The following CTXND2 variants were observed in gnomAD, a reference collection of about 807,000 sequenced individuals.
CTXND2 encodes the protein cortexin domain containing 2.
intron 1 of CTXND2, among the ~76,000 whole-genome samples, chr1:150,903,134 A>G (rs1377424311): frequency 3.3e-5 from 5 of 152,140 alleles, no homozygotes; most frequent in Non-Finnish European, 7.3e-5. Flanking sequence ...GTCTCCTTTT[A>G]ATAACCTGAT....
chr1:150,903,521 C>T (rs931587037), intron 1 of CTXND2, among the ~76,000 whole-genome samples: 5 of 152,152 alleles, frequency 3.3e-5, no homozygotes, highest in Middle Eastern at 3.4e-3. Context: ...CCCTTCTGGC[C>T]AGACATGGTG....
intron 1 of CTXND2, among the ~76,000 whole-genome samples, chr1:150,911,499 G>A (rs938306169): frequency 6.6e-6 from 1 of 150,672 alleles, no homozygotes; most frequent in Non-Finnish European, 1.5e-5. Flanking sequence ...GCAATGACTC[G>A]GTCTCGGCTT....
At chr1:150,895,909 AAT>A (rs1220993668) in intron 1 of CTXND2, among the ~76,000 whole-genome samples, 1 of 152,144 alleles carries the variant, frequency 6.6e-6, no homozygotes, top group East Asian at 1.9e-4. Flanking sequence ...TGGTGGTGGC[AAT>A]GTCTAATGCC....
intron 1 of CTXND2, among the ~76,000 whole-genome samples, chr1:150,889,870 A>T (rs1175496549): frequency 6.6e-6 from 1 of 152,114 alleles, no homozygotes; most frequent in Non-Finnish European, 1.5e-5. Context: ...CACTGAATCC[A>T]TGCTATGAAT....
intron 1 of CTXND2, among the ~76,000 whole-genome samples, chr1:150,896,385 G>A (rs1016831737): frequency 6.6e-6 from 1 of 152,164 alleles, no homozygotes; most frequent in Admixed American, 6.5e-5. Context: ...TCATGTGAGT[G>A]GGCTTTTCTG....
chr1:150,900,999 T>C (rs924588233), intron 1 of CTXND2, among the ~76,000 whole-genome samples: 4 of 151,922 alleles, frequency 2.6e-5, no homozygotes, highest in African/African-American at 9.7e-5. Flanking sequence ...GTAGTCCCAG[T>C]TCCTTGGGAG....
At chr1:150,912,328 G>C (rs1669268926) in exon 2 of CTXND2, 1 of 398,596 alleles carries the variant, frequency 2.5e-6, no homozygotes, top group Non-Finnish European at 4.4e-6. Context: ...GAAGATTCAA[G>C]CCTGTCCAGT....
intron 1 of CTXND2, among the ~76,000 whole-genome samples, chr1:150,907,704 C>CTTTTTTTTTTT (rs34842844): frequency 1.4e-5 from 1 of 71,460 alleles, no homozygotes; most frequent in Admixed American, 1.8e-4. Flanking sequence ...CATATGGTGG[C>CTTTTTTTTTTT]TTTTTTTTTT....
chr1:150,892,301 T>C (rs1048677926), intron 1 of CTXND2, among the ~76,000 whole-genome samples: 2 of 152,124 alleles, frequency 1.3e-5, no homozygotes, highest in African/African-American at 4.8e-5. Context: ...TATTTTCCAG[T>C]ATCTTATTGA....
chr1:150,897,029 C>T (rs1235498198), intron 1 of CTXND2, among the ~76,000 whole-genome samples: 1 of 152,062 alleles, frequency 6.6e-6, no homozygotes, highest in African/African-American at 2.4e-5. Flanking sequence ...AGGCAAAATT[C>T]ATGGAACTGT....
At chr1:150,892,701 G>A (rs1351700710) in intron 1 of CTXND2, among the ~76,000 whole-genome samples, 3 of 151,844 alleles carry the variant, frequency 2.0e-5, no homozygotes, top group Admixed American at 2.0e-4. Context: ...ACCAGGCCCA[G>A]CTAATTTTTG....
rs187722388 is a variant in CTXND2 at position 150,895,598 on chromosome 1, C to T, written c.-74+8285C>T. ...ACCTCAAGTGATCCACCTGCCTCGA[C>T]CTCCCAAAGTGTTGGGATGATTACA... On this transcript the variant is annotated intron_variant, in intron 1 of 1. Coordinates refer to ENST00000636087, the Ensembl canonical transcript of CTXND2. 5.6e-3 allele frequency among the ~76,000 whole-genome samples: 854 copies of T among 152,288 alleles called. 1 individual carries two copies. Among genetic ancestry groups the T allele is most frequent in the Non-Finnish European group, 9.8e-3 (664 of 68,026 alleles).
chr1:150,903,690 C>A (rs1238365468), intron 1 of CTXND2, among the ~76,000 whole-genome samples: 1 of 150,820 alleles, frequency 6.6e-6, no homozygotes, highest in Non-Finnish European at 1.5e-5. Flanking sequence ...CCCAGCTGCT[C>A]GGGAGGCTGA....
intron 1 of CTXND2, among the ~76,000 whole-genome samples, chr1:150,907,425 T>TGGGGG (rs1669168923): frequency 6.6e-6 from 1 of 152,230 alleles, no homozygotes; most frequent in Non-Finnish European, 1.5e-5. Context: ...TATAATATGC[T>TGGGGG]GGGGGCGTTT....
intron 1 of CTXND2, among the ~76,000 whole-genome samples, chr1:150,902,782 A>G (rs1349266866): frequency 1.1e-4 from 16 of 152,128 alleles, no homozygotes; most frequent in Admixed American, 1.0e-3. Context: ...AAATGACAAA[A>G]AAGCAGACCA....
chr1:150,900,800 A>G (rs945214932), intron 1 of CTXND2, among the ~76,000 whole-genome samples: 2 of 152,210 alleles, frequency 1.3e-5, no homozygotes, highest in African/African-American at 4.8e-5. Flanking sequence ...GACAAAATAC[A>G]TGAACAGACC....
intron 1 of CTXND2, among the ~76,000 whole-genome samples, chr1:150,894,043 C>G (rs760516722): frequency 5.3e-5 from 8 of 151,786 alleles, no homozygotes; most frequent in Non-Finnish European, 1.2e-4. Context: ...GTCTCGAACT[C>G]CTGGACTCAG....
chr1:150,911,953 A>G (rs1669263119), intron 1 of CTXND2, among the ~76,000 whole-genome samples: 1 of 152,204 alleles, frequency 6.6e-6, no homozygotes. Flanking sequence ...CAGATGTTTA[A>G]GACAGTTTTA....
At chr1:150,888,668 T>C (rs1179914045) in intron 1 of CTXND2, among the ~76,000 whole-genome samples, 5 of 151,906 alleles carry the variant, frequency 3.3e-5, no homozygotes, top group Admixed American at 6.6e-5. Context: ...CATTTTCCTT[T>C]CTAATAAGAA....
Sources: gnomAD v4.1 joint callset for allele counts (sites outside exome capture counted in the v4.1 genomes callset) on GRCh38, gnomAD v4.1.1 for gene constraint, MANE v1.5 for transcripts, NCBI Gene and HGNC (gene_info 2026-07-23, HGNC 2026-07-21) for gene names.